The following ATP11A variants were observed in gnomAD, a reference collection of about 807,000 sequenced individuals.
The protein encoded by ATP11A is phospholipid-transporting ATPase IH.
ATP11A carries 81 observed loss-of-function variants against 154.4 expected under a neutral mutation model. That is an observed-to-expected ratio of 0.52 (90% CI 0.44 to 0.63). The LOEUF is 0.63. ATP11A is among the 30% of genes least tolerant of loss of function. The pLI, the probability that ATP11A is intolerant of heterozygous loss-of-function variation, is 0.00. For synonymous variants in ATP11A, 623 were observed against 585.9 expected (o/e 1.06, Z -0.91); for missense variants, 1,316 against 1,474.3 (o/e 0.89, Z 1.76).
chr13:112,874,584 G>T (rs1262615857), intron 27 of ATP11A, among the ~76,000 whole-genome samples: 1 of 152,152 alleles, frequency 6.6e-6, no homozygotes, highest in Non-Finnish European at 1.5e-5. Flanking sequence ...TCAGTAGCCG[G>T]CCTAGGGAAA....
At chr13:112,782,051 A>G (rs2077513933) in intron 1 of ATP11A, among the ~76,000 whole-genome samples, 1 of 152,270 alleles carries the variant, frequency 6.6e-6, no homozygotes, top group South Asian at 2.1e-4. Context: ...TTCTGAAGCC[A>G]TGGCACAGAC....
At chr13:112,868,196 C>T (rs768493955) in intron 25 of ATP11A, among the ~76,000 whole-genome samples, 3 of 152,182 alleles carry the variant, frequency 2.0e-5, no homozygotes, top group Non-Finnish European at 4.4e-5. Context: ...ACGTAGGATG[C>T]GATGAGAGCA....
chr13:112,881,177 G>A, intron 29 of ATP11A: 1 of 988,812 alleles, frequency 1.0e-6, no homozygotes, highest in Admixed American at 5.9e-5. Flanking sequence ...GGGCTGACCT[G>A]GGGACGGCCC....
chr13:112,707,755 C>T (rs1169060987), intron 1 of ATP11A, among the ~76,000 whole-genome samples: 3 of 152,236 alleles, frequency 2.0e-5, no homozygotes, highest in South Asian at 2.1e-4. Flanking sequence ...TAACGTGCGC[C>T]GAAAAGTGGA....
rs970781212 is a variant in ATP11A at position 112,883,444 on chromosome 13, G to A, written c.*1578G>A. ...GAGCCGGCCCTCACGCCCGCCCCGC[G>A]CCACGCTGTGGAACGGGGCTCCGGC... On this transcript the variant is annotated 3_prime_UTR_variant, in exon 30 of 30. Transcript: ENST00000375645. The A allele has an allele frequency of 2.1e-5, 8 of 372,810 alleles. No homozygotes were observed. Among genetic ancestry groups the A allele is most frequent in the African/African-American group, 6.2e-5 (3 of 48,112 alleles). The allele number at this position is 372,810 out of a possible 1,614,324, so 23.1% of individuals were successfully genotyped here. A position where few individuals can be genotyped will look rare whatever the true frequency, so the allele number is the denominator to read the frequency against.
chr13:112,752,363 A>G (rs2076713633), intron 1 of ATP11A, among the ~76,000 whole-genome samples: 1 of 152,160 alleles, frequency 6.6e-6, no homozygotes, highest in Admixed American at 6.5e-5. Flanking sequence ...TGAGCACAGG[A>G]GTGACATGCA....
At position 112,831,513 on chromosome 13, in the gene ATP11A, G is replaced by A. The variant is rs374073309; in HGVS notation, c.1360G>A (p.Asp454Asn). ...GGTCCTCCCAGAGTCGTCAGGAATC[G>A]ACATGATTGACTCGTCCCCCAGCGT... ...GQVLPESSGI[D>N]MIDSSPSVNG... Residue 454 changes from aspartate to asparagine, a missense_variant, in exon 13 of 30, where the codon GAC (aspartate) becomes AAC (asparagine). Physicochemically the swap from Asp to Asn is conservative, Grantham distance 23. Transcript: ENST00000375645. 1.5e-5 allele frequency: 25 copies of A among 1,614,068 alleles called. No individual in the cohort carries two copies. Among genetic ancestry groups the A allele is most frequent in the Admixed American group, 3.3e-5 (2 of 59,998 alleles).
At chr13:112,834,718 ATAAGG>A (rs1162361217) in intron 15 of ATP11A, 58 bp downstream of exon 15, 15 of 1,416,352 alleles carry the variant, frequency 1.1e-5, no homozygotes, top group Non-Finnish European at 1.3e-5. Context: ...AGTGTTCTTT[ATAAGG>A]TTCTGCGTTT....
At chr13:112,705,881 T>C (rs902832216) in intron 1 of ATP11A, among the ~76,000 whole-genome samples, 1 of 152,230 alleles carries the variant, frequency 6.6e-6, no homozygotes. Flanking sequence ...GTAATTTTTT[T>C]ATTGTGGCAA....
Position 112,785,592 on chromosome 13 carries a change from G to A in ATP11A, c.162+335G>A, listed in dbSNP as rs528144166. Among the ~76,000 whole-genome samples, 15 of 152,168 alleles carry A rather than the reference G, an allele frequency of 9.9e-5. No individual in the cohort carries two copies. Among genetic ancestry groups the A allele is most frequent in the African/African-American group, 3.1e-4 (13 of 41,518 alleles). On this transcript the variant is annotated intron_variant, in intron 2 of 29. Coordinates refer to ENST00000375645, the MANE Select transcript of ATP11A (RefSeq NM_015205.3). This position sits in a 1 kb window ranked among gnomAD's most constrained non-coding sequence, Gnocchi z 4.8. ...TGAGGCGCCTGGCCACGTGCTTGTC[G>A]TGGGCCACCCTGGCCAGAGTCTCAG... is the stretch of plus-strand genomic sequence containing the variant.
Position 112,883,541 on chromosome 13 carries a change from G to T in ATP11A, c.*1675G>T. 4.5e-6 allele frequency: 1 copy of T among 221,862 alleles called. No homozygotes were observed. Among genetic ancestry groups the T allele is most frequent in the Non-Finnish European group, 8.7e-6 (1 of 114,374 alleles). The allele number at this position is 221,862 out of a possible 1,614,324, so 13.7% of individuals were successfully genotyped here. A position where few individuals can be genotyped will look rare whatever the true frequency, so the allele number is the denominator to read the frequency against. On this transcript the variant is annotated 3_prime_UTR_variant, in exon 30 of 30. Transcript: ENST00000375645. Reference sequence around the variant, plus strand: ...TTTGGAAGCTCAGATTTCACCATTTGATTGTATAATCTTTTACCTATAAAA... The same window carrying T: ...TTTGGAAGCTCAGATTTCACCATTTTATTGTATAATCTTTTACCTATAAAA...
At chr13:112,806,411 C>A in intron 4 of ATP11A, 118 bp downstream of exon 4, 1 of 745,394 alleles carries the variant, frequency 1.3e-6, no homozygotes, top group Non-Finnish European at 2.2e-6. Context: ...CAACCAAGTT[C>A]TAGAAATTCA....
At chr13:112,781,447 C>T (rs1028478987) in intron 1 of ATP11A, among the ~76,000 whole-genome samples, 2 of 152,156 alleles carry the variant, frequency 1.3e-5, no homozygotes, top group Non-Finnish European at 2.9e-5. Flanking sequence ...AGTTTGTTTT[C>T]GTTGCTAACT....
chr13:112,828,199 G>A (rs1402835549), intron 12 of ATP11A, among the ~76,000 whole-genome samples: 3 of 130,794 alleles, frequency 2.3e-5, no homozygotes, highest in Non-Finnish European at 3.3e-5. Flanking sequence ...CATTGAGTGC[G>A]GGGGAAAGCG....
At chr13:112,782,840 A>C (rs867767792) in intron 1 of ATP11A, among the ~76,000 whole-genome samples, 5 of 152,150 alleles carry the variant, frequency 3.3e-5, no homozygotes, top group African/African-American at 4.8e-5. Context: ...CGCTGAGGAA[A>C]ACTGCGTCTG....
At chr13:112,779,587 G>T (rs1040751304) in intron 1 of ATP11A, among the ~76,000 whole-genome samples, 1 of 152,220 alleles carries the variant, frequency 6.6e-6, no homozygotes, top group Non-Finnish European at 1.5e-5. Context: ...TTACACAGAA[G>T]ACTGAAACAG....
intron 1 of ATP11A, among the ~76,000 whole-genome samples, chr13:112,699,306 C>G (rs1886239394): frequency 6.6e-6 from 1 of 152,180 alleles, no homozygotes; most frequent in South Asian, 2.1e-4. Context: ...CCCTCTACCC[C>G]GTTTGGCAAA....
intron 2 of ATP11A, among the ~76,000 whole-genome samples, chr13:112,795,585 C>T (rs1436736568): frequency 6.6e-6 from 1 of 152,198 alleles, no homozygotes; most frequent in Non-Finnish European, 1.5e-5. Flanking sequence ...TTTAAGTAGA[C>T]TCTTTTTTCA....
chr13:112,850,514 T>A (rs2079734453), intron 17 of ATP11A, among the ~76,000 whole-genome samples: 1 of 152,228 alleles, frequency 6.6e-6, no homozygotes, highest in Admixed American at 6.5e-5. Flanking sequence ...TCTTGATTTC[T>A]TTTGTTCCTG....
Sources: allele counts gnomAD v4.1 joint callset (sites outside exome capture counted in the v4.1 genomes callset), GRCh38; gene constraint gnomAD v4.1.1; non-coding constraint Gnocchi (gnomAD v3.1); transcripts MANE v1.5; gene names NCBI Gene and HGNC (gene_info 2026-07-23, HGNC 2026-07-21).